The following CACNA2D3 variants were observed in gnomAD, a reference collection of about 807,000 sequenced individuals.
The protein encoded by CACNA2D3 is calcium voltage-gated channel auxiliary subunit alpha2delta 3.
CACNA2D3 carries 60 observed loss-of-function variants against 160.6 expected under a neutral mutation model. That is an observed-to-expected ratio of 0.37 (90% CI 0.30 to 0.46). CACNA2D3 has a LOEUF of 0.46. CACNA2D3 is among the 20% of genes least tolerant of loss of function. The probability of loss-of-function intolerance (pLI) is 1.00; values close to 1 mark genes in which losing one functional copy is unlikely to be tolerated. For synonymous variants in CACNA2D3, 558 were observed against 492.9 expected (o/e 1.13, Z -1.75); for missense variants, 1,205 against 1,365.0 (o/e 0.88, Z 1.85).
chr3:54,910,889 T>C (rs1443018487), intron 27 of CACNA2D3, among the ~76,000 whole-genome samples: 1 of 152,212 alleles, frequency 6.6e-6, no homozygotes, highest in Non-Finnish European at 1.5e-5. Flanking sequence ...TTTGGAGTGA[T>C]TCATTTATTT....
chr3:54,408,904 C>A (rs1699619979), intron 4 of CACNA2D3, among the ~76,000 whole-genome samples: 1 of 152,036 alleles, frequency 6.6e-6, no homozygotes, highest in Non-Finnish European at 1.5e-5. Context: ...GAGAGGGGAC[C>A]CTAACTCTCC....
intron 5 of CACNA2D3, among the ~76,000 whole-genome samples, chr3:54,504,201 A>T (rs988468912): frequency 4.6e-5 from 7 of 152,168 alleles, no homozygotes; most frequent in African/African-American, 1.7e-4. Flanking sequence ...AGCAGCATGG[A>T]CCTTAACAGA....
chr3:54,133,379 G>A (rs566501793), intron 2 of CACNA2D3, among the ~76,000 whole-genome samples: 2 of 152,310 alleles, frequency 1.3e-5, no homozygotes, highest in South Asian at 2.1e-4. Context: ...CTCTGAGTCC[G>A]CATCATGTGA....
intron 27 of CACNA2D3, among the ~76,000 whole-genome samples, chr3:54,941,734 G>C (rs148246899): frequency 2.0e-5 from 3 of 152,080 alleles, no homozygotes; most frequent in Non-Finnish European, 4.4e-5. Context: ...TTCTAACCAC[G>C]AGGGTTCGCA....
rs138373406 is a variant in CACNA2D3, at chr3:54,376,471, G to A, written c.322-10244G>A. Among the ~76,000 whole-genome samples, 78 of 152,332 alleles carry A rather than the reference G, an allele frequency of 5.1e-4. No homozygotes were observed. In the Middle Eastern group the frequency reaches 0.01, roughly 20 times the overall value. The stretch of plus-strand genomic sequence containing the variant: ...GTGCTTTGTTTTATAGAGCAGTTGT[G>A]AGGATTTGCTGGATTCAATGACTAA... On this transcript the variant is annotated intron_variant, in intron 3 of 37. Coordinates refer to ENST00000474759, the MANE Select transcript of CACNA2D3 (RefSeq NM_018398.3).
At chr3:54,598,330 A>AAAAG (rs1702997842) in intron 9 of CACNA2D3, among the ~76,000 whole-genome samples, 3 of 149,358 alleles carry the variant, frequency 2.0e-5, no homozygotes, top group Non-Finnish European at 3.0e-5. Context: ...AAAAAAAAAA[A>AAAAG]AAGAAGAAAG....
chr3:54,184,535 C>T (rs955445738), intron 2 of CACNA2D3, among the ~76,000 whole-genome samples: 1 of 152,194 alleles, frequency 6.6e-6, no homozygotes, highest in African/African-American at 2.4e-5. Context: ...ATTTGTCTCC[C>T]CAATCCCCAG....
chr3:54,813,346 G>A lies in CACNA2D3; in HGVS notation c.1381-3507G>A, dbSNP rs141560043. On this transcript the variant is annotated intron_variant, in intron 13 of 37. Transcript: ENST00000474759. ...AGAAAACATCTCCCCGGTGTGTTGA[G>A]GAAGAGATGTGACCTCATCTGGAGC... Among the ~76,000 whole-genome samples the A allele has an allele frequency of 1.9e-3, 284 of 152,274 alleles. 4 individuals are homozygous for A. Among genetic ancestry groups the A allele is most frequent in the African/African-American group, 6.6e-3 (275 of 41,546 alleles).
intron 11 of CACNA2D3, among the ~76,000 whole-genome samples, chr3:54,657,423 A>G (rs947604272): frequency 6.6e-6 from 1 of 152,180 alleles, no homozygotes; most frequent in African/African-American, 2.4e-5. Flanking sequence ...TTTTGGGTGC[A>G]TAGTACCATA....
intron 4 of CACNA2D3, among the ~76,000 whole-genome samples, chr3:54,448,988 G>C (rs949321024): frequency 6.6e-6 from 1 of 152,126 alleles, no homozygotes; most frequent in Non-Finnish European, 1.5e-5. Context: ...ACTTTGTCTT[G>C]AATTTATTTA....
intron 3 of CACNA2D3, among the ~76,000 whole-genome samples, chr3:54,378,518 C>T (rs1033752780): frequency 2.6e-5 from 4 of 152,162 alleles, no homozygotes; most frequent in African/African-American, 9.7e-5. Flanking sequence ...TCATAGTCCC[C>T]ATTCATTGTG....
chr3:54,379,925 T>A (rs1699071801), intron 3 of CACNA2D3, among the ~76,000 whole-genome samples: 1 of 152,164 alleles, frequency 6.6e-6, no homozygotes, highest in Admixed American at 6.5e-5. Context: ...CATGGATCAC[T>A]GGTGGTACCT....
At chr3:54,453,490 C>A (rs1462563743) in intron 4 of CACNA2D3, among the ~76,000 whole-genome samples, 6 of 141,110 alleles carry the variant, frequency 4.3e-5, no homozygotes, top group Non-Finnish European at 4.8e-5. Context: ...TCAGGACTTT[C>A]TGCTTCCACA....
At chr3:54,141,097 G>A (rs1433153949) in intron 2 of CACNA2D3, among the ~76,000 whole-genome samples, 81 of 133,666 alleles carry the variant, frequency 6.1e-4, no homozygotes, top group Non-Finnish European at 1.1e-3. Flanking sequence ...GCGCGCGCGC[G>A]CGTGTGTGCA....
At chr3:54,488,071 G>GAAC (rs975197992) in intron 4 of CACNA2D3, among the ~76,000 whole-genome samples, 5 of 152,194 alleles carry the variant, frequency 3.3e-5, no homozygotes, top group African/African-American at 1.2e-4. Context: ...GAGGCAGGAT[G>GAAC]AACAGTAAAT....
intron 4 of CACNA2D3, among the ~76,000 whole-genome samples, chr3:54,465,937 G>C (rs896318539): frequency 1.3e-5 from 2 of 152,108 alleles, no homozygotes; most frequent in Admixed American, 6.6e-5. Flanking sequence ...GCTGTTGGAA[G>C]AATTCAGTTT....
intron 4 of CACNA2D3, among the ~76,000 whole-genome samples, chr3:54,390,848 C>G (rs976945643): frequency 2.0e-5 from 3 of 152,198 alleles, no homozygotes; most frequent in Admixed American, 6.5e-5. Flanking sequence ...AATTGTTAAT[C>G]TGGGTTCTGC....
At chr3:54,600,055 T>A (rs1490017855) in intron 9 of CACNA2D3, among the ~76,000 whole-genome samples, 11 of 152,204 alleles carry the variant, frequency 7.2e-5, no homozygotes. Context: ...ACTTTCGGAC[T>A]GGAGGTTGGA....
chr3:54,870,797 G>A (rs1267206964), intron 17 of CACNA2D3, among the ~76,000 whole-genome samples: 1 of 152,164 alleles, frequency 6.6e-6, no homozygotes, highest in African/African-American at 2.4e-5. Flanking sequence ...GTTCAGTACT[G>A]CTGTGGCCAG....
Sources: allele counts gnomAD v4.1 joint callset (sites outside exome capture counted in the v4.1 genomes callset), GRCh38; gene constraint gnomAD v4.1.1; transcripts MANE v1.5; gene names NCBI Gene and HGNC (gene_info 2026-07-23, HGNC 2026-07-21).